DDR2: variants seen among roughly 807,000 people sequenced by gnomAD.
DDR2 encodes the protein discoidin domain-containing receptor 2.
In DDR2, 27 loss-of-function variants were observed where a neutral mutation model predicts 94.9. The observed-to-expected ratio is 0.28, with a 90% confidence interval of 0.21 to 0.39. The LOEUF (loss-of-function observed/expected upper bound fraction) is 0.39. Among genes scored for constraint, DDR2 ranks in the 10% least tolerant of loss-of-function variants. The pLI is 1.00. For missense variants in DDR2, 783 were observed against 1,076.0 expected (o/e 0.73, Z 3.81); for synonymous variants, 382 against 377.2 (o/e 1.01, Z -0.15).
chr1:162,672,919 T>A (rs896763707), intron 2 of DDR2, among the ~76,000 whole-genome samples: 1 of 152,178 alleles, frequency 6.6e-6, no homozygotes, highest in African/African-American at 2.4e-5. Context: ...GATGAGCTCA[T>A]ACAAATGATT....
At position 162,755,282 on chromosome 1, in the gene DDR2, C is replaced by A. The variant is rs375797799; in HGVS notation, c.544C>A (p.Leu182Ile). 6.2e-6 allele frequency: 10 copies of A among 1,613,752 alleles called. No homozygotes were observed. In the African/African-American group the frequency reaches 1.2e-4, roughly 19 times the overall value. The change falls in exon 6 of 18, where the codon CTT (leucine) becomes ATT (isoleucine). Residue 182 changes from leucine to isoleucine, a missense_variant. Leu to Ile is a conservative substitution (Grantham distance 5). Transcript: ENST00000367921. Reference sequence around the variant, plus strand: ...CATGAATGTGTGTATGAGAGTGGAGCTTTACGGCTGTGTCTGGCTAGGTAG... The same window carrying A: ...CATGAATGTGTGTATGAGAGTGGAGATTTACGGCTGTGTCTGGCTAGGTAG... ...HSMNVCMRVE[L>I]YGCVWLDGLV...
In DDR2 at chr1:162,653,040, G is replaced by T. The variant is rs539275533; in HGVS notation, c.-191-2171G>T. Reference sequence around the variant, plus strand: ...AGGATCACTTGAACCAAGAGGTGGAGGTTGCAGTGAGCCATGATCACGCCA... The same window carrying T: ...AGGATCACTTGAACCAAGAGGTGGATGTTGCAGTGAGCCATGATCACGCCA... On this transcript the variant is annotated intron_variant, in intron 1 of 17. Transcript: ENST00000367921. 5.7e-4 allele frequency among the ~76,000 whole-genome samples: 86 copies of T among 152,184 alleles called. 1 individual carries two copies. Among genetic ancestry groups the T allele is most frequent in the Non-Finnish European group, 1.1e-3 (76 of 68,040 alleles).
rs1411435223 is a variant in DDR2, at chr1:162,766,063, G to A, written c.1162G>A (p.Asp388Asn). The change falls in exon 10 of 18, where the codon GAT (aspartate) becomes AAT (asparagine). Residue 388 changes from aspartate (D) to asparagine (N), a missense_variant and splice_region_variant. Transcript: ENST00000367921. Reference sequence around the variant, plus strand: ...CTCTCCTATGGCACCCACAACCTATGGTATATGTGATTCCTAATTACACAA... The same window carrying A: ...CTCTCCTATGGCACCCACAACCTATAGTATATGTGATTCCTAATTACACAA... ...PTSPMAPTTYDPMLKVDDSNT... is the reference protein window; with the variant it reads ...PTSPMAPTTYNPMLKVDDSNT... 6.2e-7 allele frequency: 1 copy of A among 1,613,624 alleles called. No homozygotes were observed. Among genetic ancestry groups the A allele is most frequent in the African/African-American group, 1.3e-5 (1 of 74,790 alleles).
At chr1:162,658,371 T>G (rs933704561) in intron 2 of DDR2, among the ~76,000 whole-genome samples, 1 of 152,180 alleles carries the variant, frequency 6.6e-6, no homozygotes, top group Non-Finnish European at 1.5e-5. Context: ...AACTCTGTGA[T>G]CATGTTGCTG....
At chr1:162,772,683 T>G (rs1647290577) in intron 13 of DDR2, among the ~76,000 whole-genome samples, 1 of 152,102 alleles carries the variant, frequency 6.6e-6, no homozygotes, top group Non-Finnish European at 1.5e-5. Flanking sequence ...CTGCCTTTGG[T>G]CCCAGAATCA....
At chr1:162,773,679 T>A in intron 14 of DDR2, 83 bp downstream of exon 14, 4 of 1,591,002 alleles carry the variant, frequency 2.5e-6, no homozygotes, top group Non-Finnish European at 3.4e-6. Context: ...TGAGCAATTT[T>A]TTCTTTTGAG....
chr1:162,650,556 A>G (rs1385299958), intron 1 of DDR2, among the ~76,000 whole-genome samples: 1 of 152,166 alleles, frequency 6.6e-6, no homozygotes, highest in Non-Finnish European at 1.5e-5. Context: ...AGACTGCACC[A>G]CTGCCCTCCA....
chr1:162,741,242 TATA>T lies in DDR2; in HGVS notation c.83-11852_83-11850del, dbSNP rs1558057438. On this transcript the variant is annotated intron_variant, in intron 3 of 17. Coordinates refer to ENST00000367921, the MANE Select transcript of DDR2 (RefSeq NM_006182.4). The stretch of plus-strand genomic sequence containing the variant: ...TATAATATAATATAATATAATATAA[TATA>T]GTATAATGTAATGTAATGTAATATA... 3.4e-4 allele frequency among the ~76,000 whole-genome samples: 47 copies of T among 139,864 alleles called. 1 individual carries two copies. The highest frequency in any genetic ancestry group is 1.0e-3 in the African/African-American group (37 of 36,956). The allele number at this position is 139,864 out of a possible 152,430, so 91.8% of individuals were successfully genotyped here.
rs1379257067 is a variant in DDR2 at position 162,632,587 on chromosome 1, T to C, written c.-236T>C. ...TGGGTTGGGGAAACGCAGTGGATTA[T>C]AGCTCTGTTTTCTTCTTTCCAAAAC... On this transcript the variant is annotated 5_prime_UTR_variant, in exon 1 of 18. It removes the in-frame stop codon of an upstream open reading frame in the 5' UTR. Coordinates refer to ENST00000367921, the MANE Select transcript of DDR2 (RefSeq NM_006182.4). 3.0e-4 allele frequency: 45 copies of C among 152,248 alleles called. No homozygotes were observed. Among genetic ancestry groups the C allele is most frequent in the Admixed American group, 2.9e-3 (45 of 15,286 alleles). 9.4% of individuals were successfully genotyped at this position (152,248 alleles called of 1,614,324 possible).
At chr1:162,673,602 TGTGTGTGAGAGAGA>T (rs1200914900) in intron 2 of DDR2, among the ~76,000 whole-genome samples, 1 of 115,952 alleles carries the variant, frequency 8.6e-6, no homozygotes, top group Non-Finnish European at 1.8e-5. Context: ...TGTATGTGTG[TGTGTGTGAGAGAGA>T]GAGAGAGAGA....
chr1:162,777,014 T>G (rs1236347885), intron 16 of DDR2, among the ~76,000 whole-genome samples: 1 of 152,184 alleles, frequency 6.6e-6, no homozygotes, highest in Non-Finnish European at 1.5e-5. Context: ...CATGTTATTT[T>G]ATCTTTTTTC....
At chr1:162,730,639 G>T (rs1362527476) in intron 3 of DDR2, among the ~76,000 whole-genome samples, 1 of 152,186 alleles carries the variant, frequency 6.6e-6, no homozygotes, top group African/African-American at 2.4e-5. Context: ...AGAGCAGAGT[G>T]TCTTCATTCT....
chr1:162,770,503 G>A lies in DDR2; in HGVS notation c.1495G>A (p.Glu499Lys). 6.2e-7 allele frequency: 1 copy of A among 1,614,106 alleles called. No homozygotes were observed. The highest frequency in any genetic ancestry group is 2.2e-5 in the East Asian group (1 of 44,872). The change falls in exon 12 of 18, where the codon GAG (glutamate) becomes AAG (lysine). Residue 499 changes from glutamate (E) to lysine (K), a missense_variant. Coordinates refer to ENST00000367921, the MANE Select transcript of DDR2 (RefSeq NM_006182.4). ...RKLPEFAPGE[E>K]ESGCSGVVKP... is the part of the protein sequence containing the mutation. ...ACTCCCAGAATTTGCTCCAGGGGAG[G>A]AGGAGTCAGGTGAGGATGATGTGGT...
chr1:162,769,975 TA>T (rs1239809451), intron 11 of DDR2, among the ~76,000 whole-genome samples: 2 of 152,194 alleles, frequency 1.3e-5, no homozygotes, highest in Non-Finnish European at 1.5e-5. Context: ...TAATAAAACA[TA>T]GAAAACTCTA....
chr1:162,741,804 G>A lies in DDR2; in HGVS notation c.83-11291G>A, dbSNP rs185837103. On this transcript the variant is annotated intron_variant, in intron 3 of 17. Coordinates refer to ENST00000367921, the MANE Select transcript of DDR2 (RefSeq NM_006182.4). ...AAACTGACCTGGGCATGTAGCCCAG[G>A]TTAAAGGCCTCCAGAAGCCTCTCTT... 1.9e-3 allele frequency: 1,837 copies of A among 953,720 alleles called. 1 individual carries two copies. Among genetic ancestry groups the A allele is most frequent in the Non-Finnish European group, 2.2e-3 (1,743 of 801,116 alleles). 59.1% of individuals were successfully genotyped at this position (953,720 alleles called of 1,614,324 possible).
At chr1:162,761,597 T>C in intron 9 of DDR2, 143 bp downstream of exon 9, 1 of 1,347,462 alleles carries the variant, frequency 7.4e-7, no homozygotes, top group Non-Finnish European at 1.0e-6. Flanking sequence ...GTGAATCCTT[T>C]GTGTGACTAG....
At chr1:162,764,399 A>AG (rs113426211) in intron 9 of DDR2, among the ~76,000 whole-genome samples, 22,948 of 150,102 alleles carry the variant, frequency 0.15, 1,858 homozygotes, top group South Asian at 0.21. Flanking sequence ...CTTTAAAAAA[A>AG]AAAAAAAAAA....
At position 162,761,335 on chromosome 1, in the gene DDR2, T is replaced by C; in HGVS notation, c.980T>C (p.Val327Ala). Residue 327 changes from valine (V) to alanine (A), a missense_variant, in exon 9 of 18, where the codon GTC (valine) becomes GCC (alanine). By Grantham distance (64) the Val-to-Ala change is moderately conservative (BLOSUM62 0). This residue lies in a region of DDR2 where 519 missense variants were observed against 647.9 expected (regional missense o/e 0.80). Transcript: ENST00000367921. ...AISFPLVLDD[V>A]NPSARFVTVP... is the part of the protein sequence containing the mutation. The stretch of plus-strand genomic sequence containing the variant: ...TCCTTCCCCCTTGTCCTGGATGACG[T>C]CAACCCCAGTGCTCGGTTTGTCACG... 5.6e-6 allele frequency: 9 copies of C among 1,614,162 alleles called. No homozygotes were observed. The highest frequency in any genetic ancestry group is 6.8e-6 in the Non-Finnish European group (8 of 1,180,030).
chr1:162,748,765 C>T (rs186209779), intron 3 of DDR2, among the ~76,000 whole-genome samples: 29 of 152,316 alleles, frequency 1.9e-4, no homozygotes, highest in African/African-American at 6.5e-4. Context: ...GTAAAGCACT[C>T]CTCAGCAAAT....
Sources: gnomAD v4.1 joint callset for allele counts (sites outside exome capture counted in the v4.1 genomes callset) on GRCh38, gnomAD v4.1.1 for gene constraint, gnomAD v4.1.1 regional missense constraint, MANE v1.5 for transcripts, NCBI Gene and HGNC (gene_info 2026-07-23, HGNC 2026-07-21) for gene names.